The following RIGI variants were observed in gnomAD, a reference collection of about 807,000 sequenced individuals.
The protein encoded by RIGI is antiviral innate immune response receptor RIG-I.
At chr9:32,458,889 C>CTTTTT in the RIGI span, among the ~76,000 whole-genome samples, 247 of 124,982 alleles carry the variant, frequency 2.0e-3, 8 homozygotes, top group Middle Eastern at 4.8e-3. Flanking sequence ...TTTAGCATGA[C>CTTTTT]TTTTTTTTTT....
At chr9:32,476,946 G>T in the RIGI span, 2 of 1,550,116 alleles carry the variant, frequency 1.3e-6, no homozygotes, top group Non-Finnish European at 1.8e-6. Flanking sequence ...AATAGTGCTG[G>T]GTCCATTTGT....
At chr9:32,512,270 G>T in the RIGI span, among the ~76,000 whole-genome samples, 1 of 152,108 alleles carries the variant, frequency 6.6e-6, no homozygotes, top group Non-Finnish European at 1.5e-5. Context: ...AACCAAAAAA[G>T]AAAATTTCAG....
chr9:32,524,474 A>G, the RIGI span, among the ~76,000 whole-genome samples: 3 of 151,872 alleles, frequency 2.0e-5, no homozygotes, highest in Non-Finnish European at 4.4e-5. Context: ...AGCAATTAGC[A>G]TTCAAGTTAG....
chr9:32,492,043 G>A, the RIGI span, among the ~76,000 whole-genome samples: 1 of 152,210 alleles, frequency 6.6e-6, no homozygotes, highest in Non-Finnish European at 1.5e-5. Context: ...TGAAAAGGGG[G>A]TAAGTCCTGG....
At chr9:32,470,428 A>G in the RIGI span, among the ~76,000 whole-genome samples, 1 of 152,248 alleles carries the variant, frequency 6.6e-6, no homozygotes, top group Non-Finnish European at 1.5e-5. Flanking sequence ...ATGAATGGTC[A>G]TGACTGTGTT....
At chr9:32,494,151 C>G in the RIGI span, among the ~76,000 whole-genome samples, 64 of 152,278 alleles carry the variant, frequency 4.2e-4, no homozygotes, top group African/African-American at 1.5e-3. Flanking sequence ...TATTTATTAT[C>G]TATTGGGAAA....
the RIGI span, among the ~76,000 whole-genome samples, chr9:32,503,418 C>A: frequency 3.3e-5 from 5 of 152,144 alleles, no homozygotes; most frequent in Non-Finnish European, 4.4e-5. Flanking sequence ...GTATTTCCCA[C>A]TGCCTTTGCT....
the RIGI span, chr9:32,485,540 T>TC: frequency 4.2e-6 from 2 of 480,780 alleles, no homozygotes; most frequent in East Asian, 1.1e-4. Flanking sequence ...TCTTTTTTTT[T>TC]TTTTTTTTTT....
At chr9:32,490,884 C>A in the RIGI span, among the ~76,000 whole-genome samples, 1 of 152,148 alleles carries the variant, frequency 6.6e-6, no homozygotes, top group Non-Finnish European at 1.5e-5. Flanking sequence ...ATTTGGGTAG[C>A]ACACTAACTT....
At chr9:32,459,882 T>C in the RIGI span, among the ~76,000 whole-genome samples, 1 of 152,208 alleles carries the variant, frequency 6.6e-6, no homozygotes, top group Admixed American at 6.5e-5. Context: ...GTTTCAGGCA[T>C]AATTATATCC....
the RIGI span, chr9:32,457,483 TAAA>T: frequency 1.2e-4 from 96 of 815,074 alleles, no homozygotes; most frequent in South Asian, 1.9e-4. Flanking sequence ...AATTGTGATT[TAAA>T]AAAAAAAAAA....
the RIGI span, chr9:32,487,418 G>T: frequency 6.4e-7 from 1 of 1,551,650 alleles, no homozygotes; most frequent in South Asian, 1.1e-5. Context: ...CTCTGAACTA[G>T]AGGTAGTAGA....
At chr9:32,478,894 A>T in the RIGI span, among the ~76,000 whole-genome samples, 8 of 152,184 alleles carry the variant, frequency 5.3e-5, no homozygotes. Context: ...TATGAACATG[A>T]TCAAAAAATA....
chr9:32,457,029 G>A, the RIGI span: 1 of 932,760 alleles, frequency 1.1e-6, no homozygotes, highest in Non-Finnish European at 1.7e-6. Flanking sequence ...ATTTTCACAG[G>A]GGTACAAGCG....
the RIGI span, chr9:32,457,520 G>A: frequency 1.0e-6 from 1 of 997,476 alleles, no homozygotes; most frequent in Non-Finnish European, 1.4e-6. Context: ...ATAATCTGAG[G>A]CAAAGAACAG....
chr9:32,491,226 G>T, the RIGI span: 6 of 1,532,364 alleles, frequency 3.9e-6, no homozygotes, highest in South Asian at 1.3e-5. Flanking sequence ...TGTGACTTTG[G>T]GTACTGCAAA....
the RIGI span, chr9:32,494,045 C>A: frequency 2.3e-6 from 2 of 870,144 alleles, no homozygotes; most frequent in Admixed American, 6.8e-5. Flanking sequence ...TGGTAGAATT[C>A]AAAAAATATC....
At chr9:32,493,840 T>G in the RIGI span, 3 of 1,611,646 alleles carry the variant, frequency 1.9e-6, no homozygotes, top group Non-Finnish European at 2.5e-6. Flanking sequence ...AATTCTGGTT[T>G]TAAATTCTGG....
chr9:32,496,529 A>G, the RIGI span, among the ~76,000 whole-genome samples: 1 of 152,208 alleles, frequency 6.6e-6, no homozygotes, highest in African/African-American at 2.4e-5. Flanking sequence ...TGGACATCAG[A>G]GGTCCTGGTT....
Sources: allele counts gnomAD v4.1 joint callset (sites outside exome capture counted in the v4.1 genomes callset), GRCh38; gene constraint gnomAD v4.1.1; transcripts MANE v1.5; gene names NCBI Gene and HGNC (gene_info 2026-07-23, HGNC 2026-07-21).